The following PDE10A variants were observed in gnomAD, a reference collection of about 807,000 sequenced individuals.
PDE10A encodes the protein cAMP and cAMP-inhibited cGMP 3',5'-cyclic phosphodiesterase 10A.
A neutral mutation model predicts 97.7 loss-of-function variants in PDE10A; 39 were observed. The observed-to-expected ratio is 0.40, with a 90% CI of 0.31 to 0.52. The LOEUF (loss-of-function observed/expected upper bound fraction) is 0.52. Among genes scored for constraint, PDE10A ranks in the 20% least tolerant of loss-of-function variants. PDE10A has a pLI of 0.56. For missense variants in PDE10A, 731 were observed against 1,047.8 expected, an observed-to-expected ratio of 0.70 and a Z score of 4.17; for synonymous variants, 371 against 376.8, an observed-to-expected ratio of 0.98 and a Z score of 0.18.
intron 1 of PDE10A, among the ~76,000 whole-genome samples, chr6:165,973,839 T>A (rs1193941251): frequency 2.0e-5 from 3 of 152,232 alleles, no homozygotes; most frequent in Non-Finnish European, 4.4e-5. Flanking sequence ...TTTATCACAA[T>A]TCATCTTCTT....
chr6:165,784,523 C>T (rs1583084399), intron 1 of PDE10A, among the ~76,000 whole-genome samples: 1 of 152,168 alleles, frequency 6.6e-6, no homozygotes, highest in African/African-American at 2.4e-5. Context: ...ATTTTAAGAG[C>T]AGTTAAATGT....
intron 1 of PDE10A, chr6:165,894,240 G>C (rs1457034116): frequency 2.2e-6 from 1 of 454,672 alleles, no homozygotes; most frequent in Non-Finnish European, 4.4e-6. Context: ...TGTCTGTCCT[G>C]TGACATGGTG....
intron 18 of PDE10A, among the ~76,000 whole-genome samples, chr6:165,378,849 G>C (rs768668210): frequency 1.3e-5 from 2 of 152,146 alleles, no homozygotes; most frequent in Non-Finnish European, 2.9e-5. Context: ...ATTTGCTCTT[G>C]AGTTTCTGAG....
intron 1 of PDE10A, among the ~76,000 whole-genome samples, chr6:165,732,878 G>A (rs1792475260): frequency 6.6e-6 from 1 of 152,194 alleles, no homozygotes; most frequent in Non-Finnish European, 1.5e-5. Flanking sequence ...TGGCCACCAA[G>A]CACAGCTGGC....
At chr6:165,770,018 G>A (rs556190541) in intron 1 of PDE10A, among the ~76,000 whole-genome samples, 1 of 152,274 alleles carries the variant, frequency 6.6e-6, no homozygotes, top group Admixed American at 6.5e-5. Context: ...TCTCAAGACA[G>A]ATGTACTAAC....
chr6:165,525,603 C>G (rs768276156), intron 2 of PDE10A, among the ~76,000 whole-genome samples: 1 of 152,152 alleles, frequency 6.6e-6, no homozygotes, highest in Non-Finnish European at 1.5e-5. Context: ...AGGGCAGCAC[C>G]TGCATCTTTG....
At chr6:165,503,209 C>T (rs1481683875) in intron 2 of PDE10A, among the ~76,000 whole-genome samples, 1 of 152,110 alleles carries the variant, frequency 6.6e-6, no homozygotes, top group Non-Finnish European at 1.5e-5. Flanking sequence ...TCACGTGTCC[C>T]TCATCCCCTC....
intron 2 of PDE10A, among the ~76,000 whole-genome samples, chr6:165,507,332 G>C (rs1301555379): frequency 6.6e-6 from 1 of 152,074 alleles, no homozygotes; most frequent in African/African-American, 2.4e-5. Context: ...GTACAAGGAG[G>C]AAGGGCTTTA....
In PDE10A at chr6:165,329,734, C is replaced by A. The variant is rs1781236635; in HGVS notation, c.*3291G>T. ...ATCTATTATTGAACACATCTAGTTT[C>A]CAATTAGTTGCTTTTGTTGTGGTGA... On this transcript the variant is annotated 3_prime_UTR_variant, in exon 22 of 22. Coordinates refer to ENST00000539869, the MANE Select transcript of PDE10A (RefSeq NM_001385079.1). 4 of 152,244 alleles carry A rather than the reference C, an allele frequency of 2.6e-5. No homozygotes were observed. The South Asian group carries it at 8.3e-4, about 32-fold the overall frequency. 9.4% of individuals were successfully genotyped at this position (152,244 alleles called of 1,614,324 possible). A position where few individuals can be genotyped will look rare whatever the true frequency, so the allele number is the denominator to read the frequency against.
At chr6:165,599,114 G>A (rs1786782703) in intron 1 of PDE10A, among the ~76,000 whole-genome samples, 1 of 152,160 alleles carries the variant, frequency 6.6e-6, no homozygotes, top group Non-Finnish European at 1.5e-5. Flanking sequence ...AGACGGTTGT[G>A]AAGGAATTTT....
chr6:165,874,168 T>C (rs938610442), intron 1 of PDE10A, among the ~76,000 whole-genome samples: 9 of 152,222 alleles, frequency 5.9e-5, no homozygotes, highest in Admixed American at 2.0e-4. Flanking sequence ...TAGCACTAAT[T>C]ACAGCTCACG....
intron 1 of PDE10A, among the ~76,000 whole-genome samples, chr6:165,984,710 T>C (rs1785131234): frequency 6.6e-6 from 1 of 152,256 alleles, no homozygotes; most frequent in Admixed American, 6.5e-5. Flanking sequence ...GCCATTTTTT[T>C]TTTCAGTAAA....
intron 1 of PDE10A, among the ~76,000 whole-genome samples, chr6:165,824,968 TAAAAAAAAA>T (rs71890265): frequency 1.1e-5 from 1 of 92,388 alleles, no homozygotes; most frequent in African/African-American, 4.7e-5. Flanking sequence ...CCGTCTCTAC[TAAAAAAAAA>T]AAAAAAAAAA....
intron 4 of PDE10A, 22 bp from the exon 5 acceptor site, chr6:165,448,999 G>A (rs774030308): frequency 9.7e-5 from 155 of 1,599,986 alleles, no homozygotes; most frequent in Non-Finnish European, 1.2e-4. Flanking sequence ...ATAAGAAAAG[G>A]AAGAAACTGA....
intron 18 of PDE10A, among the ~76,000 whole-genome samples, chr6:165,365,828 T>C (rs1330558992): frequency 6.6e-6 from 1 of 152,202 alleles, no homozygotes; most frequent in Non-Finnish European, 1.5e-5. Context: ...TAACATTAGT[T>C]ATTTAAAGTC....
At chr6:165,803,693 G>A (rs1322224853) in intron 1 of PDE10A, among the ~76,000 whole-genome samples, 1 of 152,144 alleles carries the variant, frequency 6.6e-6, no homozygotes, top group African/African-American at 2.4e-5. Flanking sequence ...AATAAATATG[G>A]TATTTAGGAC....
intron 1 of PDE10A, among the ~76,000 whole-genome samples, chr6:165,986,840 G>T (rs928345617): frequency 2.6e-5 from 4 of 152,232 alleles, no homozygotes; most frequent in African/African-American, 9.6e-5. Flanking sequence ...TCAATGGGTT[G>T]CAAGGAAAAT....
intron 1 of PDE10A, among the ~76,000 whole-genome samples, chr6:165,848,684 G>GC (rs1346072475): frequency 6.6e-6 from 1 of 152,132 alleles, no homozygotes; most frequent in African/African-American, 2.4e-5. Context: ...CAGAACAATG[G>GC]CCCCCCAAGG....
intron 1 of PDE10A, among the ~76,000 whole-genome samples, chr6:165,650,284 T>C (rs1020670841): frequency 6.6e-6 from 1 of 152,192 alleles, no homozygotes; most frequent in Non-Finnish European, 1.5e-5. Context: ...ATAAGTTATA[T>C]TATTCAAAAA....
Sources: gnomAD v4.1 joint callset for allele counts (sites outside exome capture counted in the v4.1 genomes callset) on GRCh38, gnomAD v4.1.1 for gene constraint, MANE v1.5 for transcripts, NCBI Gene and HGNC (gene_info 2026-07-23, HGNC 2026-07-21) for gene names.